Variants in FOLH1 observed in about 807,000 individuals in gnomAD.
FOLH1 encodes glutamate carboxypeptidase 2.
FOLH1 carries 54 observed loss-of-function variants against 93.9 expected under a neutral mutation model. The observed-to-expected ratio is 0.57, with a 90% CI of 0.46 to 0.72. The LOEUF (loss-of-function observed/expected upper bound fraction) is 0.72. FOLH1 is among the 30% of genes least tolerant of loss of function. The pLI is 0.00. For missense variants in FOLH1, 571 were observed against 892.5 expected (o/e 0.64, Z 4.59); for synonymous variants, 249 against 303.6 (o/e 0.82, Z 1.87).
intron 12 of FOLH1, among the ~76,000 whole-genome samples, chr11:49,167,247 T>C (rs1188384029): frequency 6.6e-6 from 1 of 152,152 alleles, no homozygotes; most frequent in Non-Finnish European, 1.5e-5. Flanking sequence ...AAGGCACAGG[T>C]CTGGGAGATT....
chr11:49,167,172 T>C (rs945525352), intron 12 of FOLH1, among the ~76,000 whole-genome samples: 21 of 152,264 alleles, frequency 1.4e-4, no homozygotes, highest in African/African-American at 5.1e-4. Flanking sequence ...TATTTCACCT[T>C]ATGTGTTTTA....
Position 49,174,904 on chromosome 11 carries a change from C to T in FOLH1, c.1093G>A (p.Ala365Thr), listed in dbSNP as rs140577100. 275 of 1,609,188 alleles carry T rather than the reference C, an allele frequency of 1.7e-4. 1 individual carries two copies. In the African/African-American group the frequency reaches 3.3e-3, roughly 19 times the overall value. The change falls in exon 9 of 19, where the codon GCA (alanine) becomes ACA (threonine). Residue 365 changes from alanine to threonine, a missense_variant. Physicochemically the swap from Ala to Thr is moderately conservative, Grantham distance 58. Transcript: ENST00000256999. ...IYNVIGTLRG[A>T]VEPDRYVILG... is the part of the protein sequence containing the mutation. Reference sequence around the variant, plus strand: ...ACGATTCCTTTACCTGGTTCCACTGCTCCTCTGAGAGTACCTATCACATTG... The same window carrying T: ...ACGATTCCTTTACCTGGTTCCACTGTTCCTCTGAGAGTACCTATCACATTG...
Position 49,156,736 on chromosome 11 carries a change from G to A in FOLH1, c.1604C>T (p.Ala535Val). 6.2e-7 allele frequency: 1 copy of A among 1,612,648 alleles called. No individual in the cohort carries two copies. Among genetic ancestry groups the A allele is most frequent in the Non-Finnish European group, 8.5e-7 (1 of 1,179,064 alleles). ...ACTTACCCAATTTTTAGTATACCGT[G>A]CTCTGCCTGAAGCAATTCCAAGTCG... Reference protein sequence around the residue: ...FQRLGIASGRARYTKNWETNK... With the variant: ...FQRLGIASGRVRYTKNWETNK... Residue 535 changes from alanine (A) to valine (V), a missense_variant, in exon 15 of 19, where the codon GCA (alanine) becomes GTA (valine). Coordinates refer to ENST00000256999, the MANE Select transcript of FOLH1 (RefSeq NM_004476.3).
At chr11:49,147,409 TAC>T (rs1855891580) in intron 18 of FOLH1, among the ~76,000 whole-genome samples, 1 of 151,318 alleles carries the variant, frequency 6.6e-6, no homozygotes, top group South Asian at 2.1e-4. Flanking sequence ...TTGTAATCAT[TAC>T]AGTCTTGCTT....
At chr11:49,153,986 T>A (rs1856735924) in intron 16 of FOLH1, 59 bp from the exon 17 acceptor site, 6 of 1,415,452 alleles carry the variant, frequency 4.2e-6, no homozygotes, top group Non-Finnish European at 4.8e-6. Flanking sequence ...ATGGCACTGC[T>A]CTATAGTTCA....
chr11:49,177,756 C>G (rs1301175746), intron 7 of FOLH1, among the ~76,000 whole-genome samples: 1 of 141,060 alleles, frequency 7.1e-6, no homozygotes, highest in African/African-American at 2.6e-5. Context: ...GAGATCAGCC[C>G]GACCAACATG....
chr11:49,161,540 T>A (rs1402792324), intron 13 of FOLH1, among the ~76,000 whole-genome samples: 1 of 152,230 alleles, frequency 6.6e-6, no homozygotes, highest in Non-Finnish European at 1.5e-5. Flanking sequence ...GAGAAGGGTC[T>A]CTTGAAGACA....
chr11:49,149,601 AT>A (rs1192579179), intron 17 of FOLH1, among the ~76,000 whole-genome samples: 1 of 152,042 alleles, frequency 6.6e-6, no homozygotes, highest in Non-Finnish European at 1.5e-5. Flanking sequence ...CTTACTTTAT[AT>A]TTTTCATTAG....
rs1340232464 is a variant in FOLH1, at chr11:49,146,625, C to T, written c.*131G>A. On this transcript the variant is annotated 3_prime_UTR_variant, in exon 19 of 19. Transcript: ENST00000256999. Reference sequence around the variant, plus strand: ...ATATAAACACACACATATATAAACACTCACATAACTATATATAATATTCAA... The same window carrying T: ...ATATAAACACACACATATATAAACATTCACATAACTATATATAATATTCAA... 3.0e-6 allele frequency: 2 copies of T among 670,698 alleles called. No homozygotes were observed. The highest frequency in any genetic ancestry group is 4.8e-6 in the Non-Finnish European group (2 of 416,982). 41.5% of individuals were successfully genotyped at this position (670,698 alleles called of 1,614,324 possible). A position where few individuals can be genotyped will look rare whatever the true frequency, so the allele number is the denominator to read the frequency against.
chr11:49,154,020 A>T, intron 16 of FOLH1, 93 bp from the exon 17 acceptor site: 1 of 1,327,266 alleles, frequency 7.5e-7, no homozygotes, highest in South Asian at 1.5e-5. Flanking sequence ...TATAGAAGCC[A>T]TCATCTTTTG....
At position 49,162,014 on chromosome 11, in the gene FOLH1, C is replaced by T. The variant is rs546503970; in HGVS notation, c.1440+2691G>A. On this transcript the variant is annotated intron_variant, in intron 13 of 18. Transcript: ENST00000256999. The stretch of plus-strand genomic sequence containing the variant: ...GTCCACTGTTAGGCTGATGGGCTTC[C>T]CTTTGTAGGTAACCTGGCCTTTCCC... Among the ~76,000 whole-genome samples, 21 of 152,270 alleles carry T rather than the reference C, an allele frequency of 1.4e-4. 1 individual carries two copies. In the East Asian group the frequency reaches 3.9e-3, roughly 28 times the overall value.
intron 10 of FOLH1, among the ~76,000 whole-genome samples, chr11:49,172,190 T>C (rs1249230753): frequency 6.6e-6 from 1 of 152,232 alleles, no homozygotes; most frequent in African/African-American, 2.4e-5. Flanking sequence ...TTTGGCATAT[T>C]CTGTAATTGT....
At chr11:49,177,785 T>TA (rs747990555) in intron 7 of FOLH1, among the ~76,000 whole-genome samples, 59,958 of 103,828 alleles carry the variant, frequency 0.58, 17,102 homozygotes, top group Middle Eastern at 0.66. Flanking sequence ...CCGTCTCTAC[T>TA]AAAAAAAAAA....
At chr11:49,159,127 T>A (rs542159911) in intron 13 of FOLH1, among the ~76,000 whole-genome samples, 1 of 152,344 alleles carries the variant, frequency 6.6e-6, no homozygotes, top group South Asian at 2.1e-4. Context: ...TTTATTTTTT[T>A]ATCTTGCCTG....
At chr11:49,167,897 G>A (rs1858617525) in intron 12 of FOLH1, among the ~76,000 whole-genome samples, 1 of 133,028 alleles carries the variant, frequency 7.5e-6, no homozygotes, top group Admixed American at 8.3e-5. Context: ...AAAAAGAACA[G>A]AAACAAAAAA....
At position 49,208,265 on chromosome 11, in the gene FOLH1, G is replaced by A. The variant is rs755357662; in HGVS notation, c.118+27C>T. ...CGCGGCACCACGGGGAAGACTCCGA[G>A]GTTTGCTCCGCGAGGCGCCCCCCTA... On this transcript the variant is annotated intron_variant, in intron 1 of 18. Transcript: ENST00000256999. 29 of 1,467,792 alleles carry A rather than the reference G, an allele frequency of 2.0e-5. No homozygotes were observed. The African/African-American group carries it at 3.0e-4, about 15-fold the overall frequency. The allele number at this position is 1,467,792 out of a possible 1,614,324, so 90.9% of individuals were successfully genotyped here.
At chr11:49,155,317 C>T (rs1856888003) in intron 15 of FOLH1, among the ~76,000 whole-genome samples, 2 of 151,986 alleles carry the variant, frequency 1.3e-5, no homozygotes, top group African/African-American at 2.4e-5. Context: ...TATTTATCCT[C>T]ACTATCACCT....
chr11:49,180,425 A>G (rs186267943), intron 7 of FOLH1, among the ~76,000 whole-genome samples: 36 of 152,298 alleles, frequency 2.4e-4, no homozygotes, highest in Middle Eastern at 3.4e-3. Flanking sequence ...TTTCTGTCCC[A>G]CTCAAGTCAA....
Position 49,178,470 on chromosome 11 carries a change from C to T in FOLH1, c.921-2513G>A, listed in dbSNP as rs1272391326. On this transcript the variant is annotated intron_variant, in intron 7 of 18. Transcript: ENST00000256999. ...CATAAAACAACACAATATAAAACCA[C>T]GATTGTAGTGTCCCCACAAGGAGGT... is the stretch of plus-strand genomic sequence containing the variant. Among the ~76,000 whole-genome samples the T allele has an allele frequency of 4.6e-5, 7 of 152,142 alleles. No individual in the cohort carries two copies. The South Asian group carries it at 8.3e-4, about 18-fold the overall frequency.
Sources: allele counts gnomAD v4.1 joint callset (sites outside exome capture counted in the v4.1 genomes callset), GRCh38; gene constraint gnomAD v4.1.1; transcripts MANE v1.5; gene names NCBI Gene and HGNC (gene_info 2026-07-23, HGNC 2026-07-21).